The following FAAH2 variants were observed in gnomAD, a reference collection of about 807,000 sequenced individuals.
FAAH2 encodes fatty-acid amide hydrolase 2.
Under a neutral mutation model 36.9 loss-of-function variants are expected in FAAH2, and 60 were observed. That is an observed-to-expected ratio of 1.63 (90% CI 1.32 to 2.02). FAAH2 has a LOEUF of 2.02. Among genes scored for constraint, FAAH2 ranks in the 30% most tolerant of loss-of-function variants. The pLI, the probability that FAAH2 is intolerant of heterozygous loss-of-function variation, is 0.00. For missense variants in FAAH2, 689 were observed against 397.5 expected, an observed-to-expected ratio of 1.73 and a Z score of -6.23; for synonymous variants, 214 against 143.8, an observed-to-expected ratio of 1.49 and a Z score of -3.49.
At chrX:57,161,801 T>G in the FAAH2 span, among the ~76,000 whole-genome samples, 1 of 111,929 alleles carries the variant, frequency 8.9e-6, no homozygotes, top group African/African-American at 3.3e-5. Flanking sequence ...TGATGGGTCT[T>G]GACTCTTTAT....
intron 5 of FAAH2, among the ~76,000 whole-genome samples, chrX:57,354,274 T>A (rs1569286002): frequency 9.0e-6 from 1 of 111,225 alleles, no homozygotes; most frequent in East Asian, 2.8e-4. Flanking sequence ...TCATGTCTTT[T>A]GCAGCAACAT....
Position 57,317,693 on chromosome X carries a change from C to A in FAAH2, c.412+6964C>A, listed in dbSNP as rs1042227985. On this transcript the variant is annotated intron_variant, in intron 3 of 10. Transcript: ENST00000374900. ...AATAGACATCTACAGAACTCTCCAC[C>A]CCAAATCAACAGAATACACATTCTT... Among the ~76,000 whole-genome samples, 3 of 111,745 alleles carry A rather than the reference C, an allele frequency of 2.7e-5. No homozygotes were observed. In the Admixed American group the frequency reaches 2.9e-4, roughly 11 times the overall value.
chrX:57,217,093 T>C, the FAAH2 span, among the ~76,000 whole-genome samples: 1 of 111,562 alleles, frequency 9.0e-6, no homozygotes, highest in Non-Finnish European at 1.9e-5. Flanking sequence ...AATTGTCTAT[T>C]CATGTCCTTA....
At chrX:57,259,875 A>G in the FAAH2 span, among the ~76,000 whole-genome samples, 2 of 112,087 alleles carry the variant, frequency 1.8e-5, no homozygotes, top group Admixed American at 1.9e-4. Flanking sequence ...AAGCTTCTGT[A>G]GGACAATCTT....
chrX:57,338,661 T>C (rs1377626178), intron 4 of FAAH2, among the ~76,000 whole-genome samples: 3 of 110,838 alleles, frequency 2.7e-5, no homozygotes, highest in African/African-American at 6.6e-5. Flanking sequence ...CAAATCACAA[T>C]TGCTACAAAA....
intron 7 of FAAH2, among the ~76,000 whole-genome samples, chrX:57,398,734 ATTAGCATT>A (rs2055362812): frequency 1.8e-5 from 2 of 111,393 alleles, no homozygotes; most frequent in South Asian, 7.6e-4. Context: ...TTTTAACCTA[ATTAGCATT>A]TTAGTGAGCT....
intron 8 of FAAH2, among the ~76,000 whole-genome samples, chrX:57,441,684 C>A (rs973229540): frequency 2.2e-4 from 24 of 109,855 alleles, no homozygotes; most frequent in African/African-American, 7.6e-4. Context: ...TTCTCTAGTT[C>A]TTTTAATTGT....
chrX:57,439,083 G>A (rs1350437416), intron 8 of FAAH2, among the ~76,000 whole-genome samples: 24 of 110,908 alleles, frequency 2.2e-4, no homozygotes, highest in Non-Finnish European at 4.2e-4. Flanking sequence ...TGTCTTTATA[G>A]TAGCATGATT....
the FAAH2 span, among the ~76,000 whole-genome samples, chrX:57,239,130 C>T: frequency 2.8e-3 from 313 of 111,660 alleles, no homozygotes; most frequent in African/African-American, 9.5e-3. Flanking sequence ...GCAAATAGTG[C>T]TCTATTTTTT....
intron 1 of FAAH2, chrX:57,290,184 A>T: frequency 1.6e-6 from 1 of 635,436 alleles, no homozygotes; most frequent in Non-Finnish European, 1.9e-6. Flanking sequence ...GTTAACTTCT[A>T]CCTCTAACCC....
chrX:57,171,265 G>T, the FAAH2 span, among the ~76,000 whole-genome samples: 1 of 111,427 alleles, frequency 9.0e-6, no homozygotes, highest in Non-Finnish European at 1.9e-5. Flanking sequence ...TTTCCTTTGG[G>T]TAGATACTCA....
intron 5 of FAAH2, among the ~76,000 whole-genome samples, chrX:57,357,807 C>T (rs2054196000): frequency 9.0e-6 from 1 of 111,267 alleles, no homozygotes; most frequent in South Asian, 3.8e-4. Context: ...ACCAGAAATA[C>T]CATTTGACCC....
chrX:57,445,936 C>T (rs1262031875), intron 8 of FAAH2, among the ~76,000 whole-genome samples: 1 of 112,456 alleles, frequency 8.9e-6, no homozygotes, highest in East Asian at 2.8e-4. Context: ...CTCAAATTTA[C>T]TTCAGGCCTC....
At chrX:57,142,720 G>A in the FAAH2 span, among the ~76,000 whole-genome samples, 1 of 111,612 alleles carries the variant, frequency 9.0e-6, no homozygotes, top group South Asian at 3.7e-4. Flanking sequence ...GTCCACACTT[G>A]TTATCGTTTT....
the FAAH2 span, among the ~76,000 whole-genome samples, chrX:57,257,768 G>C: frequency 1.8e-5 from 2 of 110,875 alleles, no homozygotes; most frequent in Non-Finnish European, 3.8e-5. Flanking sequence ...ATTTAACCAA[G>C]GATGTGAAAA....
chrX:57,323,096 T>C (rs2053083757), intron 3 of FAAH2, among the ~76,000 whole-genome samples: 1 of 111,245 alleles, frequency 9.0e-6, no homozygotes, highest in Non-Finnish European at 1.9e-5. Context: ...TGGTTTTTTG[T>C]CTTTGCAACA....
the FAAH2 span, among the ~76,000 whole-genome samples, chrX:57,157,965 C>G: frequency 9.0e-6 from 1 of 110,684 alleles, no homozygotes; most frequent in Non-Finnish European, 1.9e-5. Context: ...CATCATTTAA[C>G]ATTAGGTATA....
At chrX:57,330,187 T>C (rs1250240508) in intron 3 of FAAH2, among the ~76,000 whole-genome samples, 1 of 111,815 alleles carries the variant, frequency 8.9e-6, no homozygotes, top group African/African-American at 3.3e-5. Context: ...GAGTCATATT[T>C]CTCTTCTTTC....
At chrX:57,209,917 G>T in the FAAH2 span, among the ~76,000 whole-genome samples, 1 of 110,223 alleles carries the variant, frequency 9.1e-6, no homozygotes, top group East Asian at 2.9e-4. Flanking sequence ...TCCCTCCATG[G>T]GTGGGTGTCA....
Sources: gnomAD v4.1 joint callset for allele counts (sites outside exome capture counted in the v4.1 genomes callset) on GRCh38, gnomAD v4.1.1 for gene constraint, MANE v1.5 for transcripts, NCBI Gene and HGNC (gene_info 2026-07-23, HGNC 2026-07-21) for gene names.